Variants in LAMA1 observed in about 807,000 individuals in gnomAD.
The protein encoded by LAMA1 is laminin subunit alpha 1.
In LAMA1, 219 loss-of-function variants were observed where a neutral mutation model predicts 348.7. That is an observed-to-expected ratio of 0.63 (90% CI 0.56 to 0.70). The LOEUF (loss-of-function observed/expected upper bound fraction) is 0.70. Ranked by LOEUF, LAMA1 falls within the 30% of genes least tolerant of loss-of-function variation. The pLI is 0.00. For synonymous variants in LAMA1, 1,487 were observed against 1,491.0 expected (o/e 1.00, Z 0.06); for missense variants, 3,744 against 3,888.0 (o/e 0.96, Z 0.99).
intron 1 of LAMA1, among the ~76,000 whole-genome samples, chr18:7,089,216 C>T (rs1417311438): frequency 1.3e-5 from 2 of 152,044 alleles, no homozygotes; most frequent in African/African-American, 4.8e-5. Context: ...CTCATCTCTA[C>T]TAAAAATACA....
Position 6,978,173 on chromosome 18 carries a change from T to C in LAMA1, c.6190+23A>G, listed in dbSNP as rs368000488. The C allele has an allele frequency of 5.0e-6, 8 of 1,613,956 alleles. No individual in the cohort carries two copies. The African/African-American group carries it at 6.7e-5, about 13-fold the overall frequency. ...TCTGCATGACGCAGACGATCATGAC[T>C]GGAAGGAAGGGCGCTGACATACTGG... On this transcript the variant is annotated intron_variant, in intron 43 of 62. Coordinates refer to ENST00000389658, the MANE Select transcript of LAMA1 (RefSeq NM_005559.4).
Position 6,949,084 on chromosome 18 carries a change from T to C in LAMA1, c.8556+17A>G, listed in dbSNP as rs773495643. On this transcript the variant is annotated intron_variant, in intron 59 of 62. Coordinates refer to ENST00000389658, the MANE Select transcript of LAMA1 (RefSeq NM_005559.4). Reference sequence around the variant, plus strand: ...ACACAACGAAGGTAAAATGTCAGTATGGAAAATGCTGCTTACATTTCCAAT... The same window carrying C: ...ACACAACGAAGGTAAAATGTCAGTACGGAAAATGCTGCTTACATTTCCAAT... 9.3e-6 allele frequency: 15 copies of C among 1,614,036 alleles called. No individual in the cohort carries two copies. In the Admixed American group the frequency reaches 1.5e-4, roughly 16 times the overall value.
rs558496738 is a variant in LAMA1 at position 6,955,568 on chromosome 18, A to G, written c.8095-103T>C. 122 of 784,636 alleles carry G rather than the reference A, an allele frequency of 1.6e-4. No homozygotes were observed. In the African/African-American group the frequency reaches 2.0e-3, roughly 13 times the overall value. The allele number at this position is 784,636 out of a possible 1,614,324, so 48.6% of individuals were successfully genotyped here. On this transcript the variant is annotated intron_variant, in intron 56 of 62. Coordinates refer to ENST00000389658, the MANE Select transcript of LAMA1 (RefSeq NM_005559.4). ...GGGCCATCTACGAAGCAATCCCATT[A>G]GAACAGCAACAACCACCAGTGCCTG...
Position 6,958,493 on chromosome 18 carries a change from G to A in LAMA1, c.7948C>T (p.Leu2650=). The part of the protein sequence containing the change: ...RRSFHGCIKN[L]IFNLELLDFN... ...TACACTTACTCCAAATTGAAGATCA[G>A]GTTTTTGATACAGCCATGGAACGAT... Residue 2650 remains leucine, a synonymous_variant, in exon 55 of 63, where the codon CTG becomes TTG. Transcript: ENST00000389658. 2 of 1,614,180 alleles carry A rather than the reference G, an allele frequency of 1.2e-6. No individual in the cohort carries two copies. The highest frequency in any genetic ancestry group is 1.7e-6 in the Non-Finnish European group (2 of 1,180,030).
At chr18:6,980,465 G>C in intron 42 of LAMA1, 56 bp downstream of exon 42, 1 of 1,134,734 alleles carries the variant, frequency 8.8e-7, no homozygotes, top group Non-Finnish European at 1.3e-6. Flanking sequence ...ATGTTCCTGA[G>C]TGATGCTTTT....
chr18:6,974,975 G>A lies in LAMA1; in HGVS notation c.6551C>T (p.Ser2184Phe), dbSNP rs766323599. Reference sequence around the variant, plus strand: ...TGGAAACTCCAAGCGTGTGGACCCGGAGCCCAGGTCCCACAGGAAGGCCAC... The same window carrying A: ...TGGAAACTCCAAGCGTGTGGACCCGAAGCCCAGGTCCCACAGGAAGGCCAC... ...GRVAFLWDLG[S>F]GSTRLEFPDF... Residue 2184 changes from serine (S) to phenylalanine (F), a missense_variant, in exon 46 of 63, where the codon TCC becomes TTC. By Grantham distance (155) the Ser-to-Phe change is radical. Transcript: ENST00000389658. 8.4e-5 allele frequency: 135 copies of A among 1,613,874 alleles called. No individual in the cohort carries two copies. The highest frequency in any genetic ancestry group is 1.1e-4 in the Non-Finnish European group (129 of 1,180,012).
At chr18:7,025,105 G>T (rs553956091) in intron 17 of LAMA1, among the ~76,000 whole-genome samples, 1 of 152,194 alleles carries the variant, frequency 6.6e-6, no homozygotes, top group African/African-American at 2.4e-5. Context: ...TGAAGGAAGA[G>T]TTCTAAAGGT....
intron 16 of LAMA1, among the ~76,000 whole-genome samples, chr18:7,031,753 AT>A (rs913540242): frequency 2.0e-5 from 3 of 151,748 alleles, no homozygotes; most frequent in Admixed American, 1.3e-4. Context: ...AGTAGACAAC[AT>A]TTTTTTACCT....
At chr18:7,107,263 C>T (rs1466867688) in intron 1 of LAMA1, among the ~76,000 whole-genome samples, 2 of 151,934 alleles carry the variant, frequency 1.3e-5, no homozygotes, top group South Asian at 2.1e-4. Flanking sequence ...GGACTACAGG[C>T]ACCCGCCACC....
intron 54 of LAMA1, 79 bp downstream of exon 54, chr18:6,959,262 C>T (rs2057595632): frequency 6.3e-7 from 1 of 1,594,030 alleles, no homozygotes; most frequent in Admixed American, 1.7e-5. Flanking sequence ...CCGCCCAGGG[C>T]ACCACCGCAA....
In LAMA1 at chr18:7,103,391, C is replaced by A. The variant is rs185931794; in HGVS notation, c.61+14269G>T. On this transcript the variant is annotated intron_variant, in intron 1 of 62. Transcript: ENST00000389658. ...CTGCACTCCAGCCTGGGTGACAGAG[C>A]GAGACTCCATCTCAAAAATAAAAAA... 2.9e-4 allele frequency among the ~76,000 whole-genome samples: 43 copies of A among 148,916 alleles called. 1 individual carries two copies. The highest frequency in any genetic ancestry group is 1.6e-4 in the Non-Finnish European group (11 of 67,024).
At chr18:7,090,832 C>T (rs2058237109) in intron 1 of LAMA1, among the ~76,000 whole-genome samples, 1 of 152,090 alleles carries the variant, frequency 6.6e-6, no homozygotes, top group South Asian at 2.1e-4. Flanking sequence ...CTTTTCCCCC[C>T]TCATGTGAGA....
At position 6,965,296 on chromosome 18, in the gene LAMA1, C is replaced by T. The variant is rs200776408; in HGVS notation, c.7187G>A (p.Arg2396Gln). Residue 2396 changes from arginine to glutamine, a missense_variant, in exon 50 of 63, where the codon CGG (arginine) becomes CAG (glutamine). Coordinates refer to ENST00000389658, the MANE Select transcript of LAMA1 (RefSeq NM_005559.4). ...TWYKIAFQRNRKQGVLAVIDA... is the reference protein window; with the variant it reads ...TWYKIAFQRNQKQGVLAVIDA... The stretch of plus-strand genomic sequence containing the variant: ...TCCATCTGTGTCCCTACCTTGCTTC[C>T]GGTTTCGCTGGAAGGCAATTTTGTA... The T allele has an allele frequency of 4.9e-4, 797 of 1,614,140 alleles. No individual in the cohort carries two copies. Among genetic ancestry groups the T allele is most frequent in the Admixed American group, 8.5e-4 (51 of 60,016 alleles).
intron 9 of LAMA1, among the ~76,000 whole-genome samples, chr18:7,041,553 G>A (rs1423546096): frequency 1.3e-5 from 2 of 152,168 alleles, no homozygotes; most frequent in East Asian, 1.9e-4. Context: ...TTGAACAGAC[G>A]CAACCTATTC....
In LAMA1 at chr18:6,966,652, AT is replaced by A. The variant is rs141122203; in HGVS notation, c.6900-356del. Reference sequence around the variant, plus strand: ...TCTTAACTCTGGTGCCTTCAGAATAATTTTTATATTGACATTTTCACTTTGC... The same window carrying A: ...TCTTAACTCTGGTGCCTTCAGAATAATTTTATATTGACATTTTCACTTTGC... On this transcript the variant is annotated intron_variant, in intron 48 of 62. Coordinates refer to ENST00000389658, the MANE Select transcript of LAMA1 (RefSeq NM_005559.4). 1.0e-2 allele frequency among the ~76,000 whole-genome samples: 1,519 copies of A among 152,248 alleles called. 27 individuals are homozygous for A. Among genetic ancestry groups the A allele is most frequent in the African/African-American group, 0.033 (1,375 of 41,532 alleles).
At chr18:7,092,819 T>G (rs952260972) in intron 1 of LAMA1, among the ~76,000 whole-genome samples, 2 of 152,076 alleles carry the variant, frequency 1.3e-5, no homozygotes, top group Admixed American at 6.6e-5. Context: ...ACATACATCA[T>G]ACATCATAAT....
intron 57 of LAMA1, chr18:6,954,965 T>TCA: frequency 1.7e-4 from 55 of 327,136 alleles, no homozygotes; most frequent in Admixed American, 3.5e-4. Context: ...GCACTCGGGA[T>TCA]TTTGGCCACC....
intron 46 of LAMA1, among the ~76,000 whole-genome samples, chr18:6,974,536 AACCTCC>A (rs1381655161): frequency 2.7e-5 from 4 of 147,494 alleles, no homozygotes; most frequent in African/African-American, 7.6e-5. Flanking sequence ...CACTCACTGC[AACCTCC>A]ACCTCCTGGG....
intron 36 of LAMA1, among the ~76,000 whole-genome samples, chr18:6,991,912 T>C (rs1349017133): frequency 6.6e-6 from 1 of 152,218 alleles, no homozygotes; most frequent in Non-Finnish European, 1.5e-5. Flanking sequence ...GATAGTAACG[T>C]CCAGAGTAGA....
Sources: gnomAD v4.1 joint callset for allele counts (sites outside exome capture counted in the v4.1 genomes callset) on GRCh38, gnomAD v4.1.1 for gene constraint, MANE v1.5 for transcripts, NCBI Gene and HGNC (gene_info 2026-07-23, HGNC 2026-07-21) for gene names.